The following PLEKHA5 variants were observed in gnomAD, a reference collection of about 807,000 sequenced individuals.
PLEKHA5 encodes pleckstrin homology domain containing A5.
PLEKHA5 carries 55 observed loss-of-function variants against 181.9 expected under a neutral mutation model. The observed-to-expected ratio is 0.30, with a 90% CI of 0.24 to 0.38. The LOEUF is 0.38. Ranked by LOEUF, PLEKHA5 falls within the 10% of genes least tolerant of loss-of-function variation. PLEKHA5 has a pLI of 1.00. For synonymous variants in PLEKHA5, 535 were observed against 529.4 expected (o/e 1.01, Z -0.15); for missense variants, 1,432 against 1,549.5 (o/e 0.92, Z 1.27).
intron 15 of PLEKHA5, among the ~76,000 whole-genome samples, chr12:19,313,252 G>T (rs1038279609): frequency 1.3e-5 from 2 of 152,130 alleles, no homozygotes; most frequent in Non-Finnish European, 2.9e-5. Context: ...GCATGTGCCT[G>T]TAGTCCTAGC....
At chr12:19,287,865 G>C (rs758654842) in intron 13 of PLEKHA5, among the ~76,000 whole-genome samples, 1 of 151,996 alleles carries the variant, frequency 6.6e-6, no homozygotes, top group South Asian at 2.1e-4. Context: ...GATCGCTTGA[G>C]GTCAGGAGTT....
chr12:19,344,175 TA>T (rs2094152993), intron 22 of PLEKHA5, among the ~76,000 whole-genome samples: 1 of 152,120 alleles, frequency 6.6e-6, no homozygotes, highest in South Asian at 2.1e-4. Context: ...TGGAATGACA[TA>T]TATAATTGAG....
intron 3 of PLEKHA5, among the ~76,000 whole-genome samples, chr12:19,253,177 C>T (rs1206357034): frequency 2.7e-5 from 4 of 146,144 alleles, no homozygotes; most frequent in East Asian, 2.1e-4. Context: ...CAGGTTCAAG[C>T]GATTCTCCTG....
intron 15 of PLEKHA5, 82 bp downstream of exon 15, chr12:19,291,779 A>G (rs544739755): frequency 1.0e-5 from 7 of 699,114 alleles, no homozygotes; most frequent in East Asian, 2.9e-5. Flanking sequence ...CTTCTCAGCT[A>G]TTTCAGTCAC....
intron 3 of PLEKHA5, chr12:19,153,227 T>C (rs2040871696): frequency 6.6e-6 from 1 of 152,154 alleles, no homozygotes; most frequent in South Asian, 2.1e-4. Flanking sequence ...ATTTCTACTT[T>C]AGTAAGAACT....
chr12:19,204,688 A>G (rs1298215965), intron 3 of PLEKHA5, among the ~76,000 whole-genome samples: 1 of 152,164 alleles, frequency 6.6e-6, no homozygotes. Flanking sequence ...CTATAAATCA[A>G]TTATTTAATA....
At chr12:19,336,937 G>C (rs2093469454) in intron 21 of PLEKHA5, among the ~76,000 whole-genome samples, 1 of 144,016 alleles carries the variant, frequency 6.9e-6, no homozygotes, top group South Asian at 2.3e-4. Context: ...GTATTGAGAT[G>C]TTGAATTATA....
intron 3 of PLEKHA5, among the ~76,000 whole-genome samples, chr12:19,231,919 G>A (rs2060686503): frequency 6.6e-6 from 1 of 151,462 alleles, no homozygotes; most frequent in South Asian, 2.1e-4. Context: ...TTTTTCCATC[G>A]AGAAAAATTG....
Position 19,142,350 on chromosome 12 carries a change from C to T in PLEKHA5, c.227+9900C>T, listed in dbSNP as rs550998224. Among the ~76,000 whole-genome samples the T allele has an allele frequency of 1.6e-4, 24 of 152,224 alleles. No individual in the cohort carries two copies. In the East Asian group the frequency reaches 3.1e-3, roughly 20 times the overall value. ...TGCCACTGCACTTCAGCCTGGGCAA[C>T]TGAGCGAGACCCCATCTCTAAAAAA... is the stretch of plus-strand genomic sequence containing the variant. On this transcript the variant is annotated intron_variant, in intron 3 of 31. Transcript: ENST00000429027.
chr12:19,355,849 T>C (rs946850326), intron 26 of PLEKHA5, among the ~76,000 whole-genome samples: 2 of 151,978 alleles, frequency 1.3e-5, no homozygotes, highest in Admixed American at 6.6e-5. Context: ...GAAAAAGGAC[T>C]ACAAAAAGTG....
chr12:19,252,286 C>G (rs7313162), intron 3 of PLEKHA5, among the ~76,000 whole-genome samples: 130,929 of 152,058 alleles, frequency 0.86, 57,864 homozygotes, highest in Middle Eastern at 0.98. Flanking sequence ...TCACCATACA[C>G]AGCACATGTA....
At chr12:19,291,531 T>C (rs2078451739) in intron 14 of PLEKHA5, 113 bp from the exon 15 acceptor site, 1 of 617,564 alleles carries the variant, frequency 1.6e-6, no homozygotes, top group East Asian at 2.9e-5. Flanking sequence ...TGTCGTGTAC[T>C]GTGATATAAT....
chr12:19,314,241 T>A (rs1245236823), intron 15 of PLEKHA5, among the ~76,000 whole-genome samples: 1 of 152,156 alleles, frequency 6.6e-6, no homozygotes, highest in Non-Finnish European at 1.5e-5. Context: ...AGTTTGCATA[T>A]CCTTGAGTAA....
intron 20 of PLEKHA5, among the ~76,000 whole-genome samples, chr12:19,326,584 T>G (rs903945753): frequency 1.3e-5 from 2 of 152,202 alleles, no homozygotes; most frequent in African/African-American, 2.4e-5. Context: ...TATTTATTTT[T>G]ATTTTATTTT....
At chr12:19,156,191 G>C (rs913956121) in intron 3 of PLEKHA5, among the ~76,000 whole-genome samples, 2 of 141,652 alleles carry the variant, frequency 1.4e-5, no homozygotes, top group Non-Finnish European at 3.0e-5. Context: ...GCACTTCCTT[G>C]ATTTGTTTTT....
At chr12:19,274,420 C>T (rs2073968699) in intron 10 of PLEKHA5, 96 bp from the exon 11 acceptor site, 1 of 789,564 alleles carries the variant, frequency 1.3e-6, no homozygotes, top group Non-Finnish European at 2.0e-6. Flanking sequence ...CCCTGGCCCC[C>T]ACCCCCGTAA....
rs747417772 is a variant in PLEKHA5, at chr12:19,283,496, C to T, written c.1530C>T (p.Tyr510=). The T allele has an allele frequency of 7.4e-5, 120 of 1,614,004 alleles. No individual in the cohort carries two copies. Among genetic ancestry groups the T allele is most frequent in the African/African-American group, 1.1e-4 (8 of 74,922 alleles). Residue 510 remains tyrosine, a synonymous_variant, in exon 12 of 32, where the codon TAC becomes TAT. Transcript: ENST00000429027. The stretch of plus-strand genomic sequence containing the variant: ...GAGATGACACAATGTGGCAGCTCTA[C>T]GAATGGCAGCAGCGTCAGTTTTATA... ...SMRDDTMWQL[Y]EWQQRQFYNK...
At chr12:19,338,521 C>T (rs1157181369) in intron 21 of PLEKHA5, among the ~76,000 whole-genome samples, 6 of 151,906 alleles carry the variant, frequency 3.9e-5, no homozygotes, top group Admixed American at 2.6e-4. Context: ...GCAGGAGAAT[C>T]GCATGAGCCT....
At chr12:19,239,087 G>C (rs553613700) in intron 3 of PLEKHA5, among the ~76,000 whole-genome samples, 1 of 152,102 alleles carries the variant, frequency 6.6e-6, no homozygotes, top group East Asian at 1.9e-4. Context: ...TTCCCTTGTG[G>C]TAGACAGTAC....
Sources: allele counts gnomAD v4.1 joint callset (sites outside exome capture counted in the v4.1 genomes callset), GRCh38; gene constraint gnomAD v4.1.1; transcripts MANE v1.5; gene names NCBI Gene and HGNC (gene_info 2026-07-23, HGNC 2026-07-21).